RNF180: variants seen among roughly 807,000 people sequenced by gnomAD.
The protein encoded by RNF180 is E3 ubiquitin-protein ligase RNF180.
A neutral mutation model predicts 59.2 loss-of-function variants in RNF180; 38 were observed. That is an observed-to-expected ratio of 0.64 (90% CI 0.50 to 0.84). RNF180 has a LOEUF of 0.84. RNF180 is among the 40% of genes least tolerant of loss of function. The probability of loss-of-function intolerance (pLI) is 0.00; values close to 1 mark genes in which losing one functional copy is unlikely to be tolerated. For synonymous variants in RNF180, 262 were observed against 240.3 expected (o/e 1.09, Z -0.84); for missense variants, 705 against 700.9 (o/e 1.01, Z -0.07).
At chr5:64,185,839 A>G (rs1449696024) in intron 1 of RNF180, among the ~76,000 whole-genome samples, 1 of 152,214 alleles carries the variant, frequency 6.6e-6, no homozygotes, top group Non-Finnish European at 1.5e-5. Context: ...GCAAAGACAT[A>G]AGTACAACAT....
chr5:64,253,568 C>A (rs972141449), intron 5 of RNF180, among the ~76,000 whole-genome samples: 1 of 152,068 alleles, frequency 6.6e-6, no homozygotes, highest in African/African-American at 2.4e-5. Flanking sequence ...CTGTAAAAAT[C>A]TGATTTAGTT....
intron 5 of RNF180, among the ~76,000 whole-genome samples, chr5:64,264,753 G>C (rs918993996): frequency 9.9e-5 from 15 of 152,074 alleles, no homozygotes; most frequent in African/African-American, 2.9e-4. Flanking sequence ...CCCAATAATG[G>C]GATTGCTGGG....
chr5:64,316,015 C>T lies in RNF180; in HGVS notation c.1228-9171C>T, dbSNP rs56345010. ...CTAGCAATTTAACCCACTATTACTT[C>T]CACACCATCAGTACAATTGCCAACA... On this transcript the variant is annotated intron_variant, in intron 5 of 7. Transcript: ENST00000389100. 6.2e-3 allele frequency among the ~76,000 whole-genome samples: 939 copies of T among 152,242 alleles called. 6 individuals are homozygous for T. Among genetic ancestry groups the T allele is most frequent in the Middle Eastern group, 0.017 (5 of 294 alleles).
At chr5:64,205,715 G>A (rs1751980506) in intron 2 of RNF180, among the ~76,000 whole-genome samples, 1 of 152,052 alleles carries the variant, frequency 6.6e-6, no homozygotes. Flanking sequence ...GTGTATGAAT[G>A]GAGTGAGAGT....
chr5:64,346,356 C>CTTTTTTTTTTT (rs1745554810), intron 7 of RNF180, among the ~76,000 whole-genome samples: 1 of 47,142 alleles, frequency 2.1e-5, no homozygotes, highest in African/African-American at 7.9e-5. Context: ...TTTTTCTTTT[C>CTTTTTTTTTTT]TTCTTTTTTT....
chr5:64,223,055 C>T (rs1741449855), intron 5 of RNF180, among the ~76,000 whole-genome samples: 1 of 152,144 alleles, frequency 6.6e-6, no homozygotes, highest in Admixed American at 6.5e-5. Context: ...TCTTATAGTT[C>T]TGAAGGTCAC....
At chr5:64,337,045 A>G (rs193170399) in intron 7 of RNF180, among the ~76,000 whole-genome samples, 1 of 144,862 alleles carries the variant, frequency 6.9e-6, no homozygotes, top group Admixed American at 6.9e-5. Flanking sequence ...TTTTTTTGAG[A>G]CAACGTCTCA....
At chr5:64,215,010 A>G (rs912805913) in intron 4 of RNF180, among the ~76,000 whole-genome samples, 2 of 152,162 alleles carry the variant, frequency 1.3e-5, no homozygotes, top group Non-Finnish European at 2.9e-5. Flanking sequence ...CGATCTAGTT[A>G]TGATTAACTG....
intron 5 of RNF180, among the ~76,000 whole-genome samples, chr5:64,234,602 T>G (rs962342058): frequency 4.7e-5 from 3 of 64,208 alleles, no homozygotes; most frequent in African/African-American, 1.3e-4. Flanking sequence ...TTTTTTTTTT[T>G]TTTTTTTTTT....
chr5:64,366,599 A>G (rs1290339077), intron 7 of RNF180, among the ~76,000 whole-genome samples: 1 of 151,540 alleles, frequency 6.6e-6, no homozygotes, highest in Non-Finnish European at 1.5e-5. Context: ...ATATTTAAGC[A>G]CTTCAGTAAC....
intron 5 of RNF180, among the ~76,000 whole-genome samples, chr5:64,232,741 A>G (rs1001118714): frequency 4.6e-5 from 7 of 152,378 alleles, no homozygotes; most frequent in African/African-American, 1.7e-4. Flanking sequence ...CAGTAGTAAC[A>G]AAAACAATAA....
At chr5:64,339,434 A>G (rs957095234) in intron 7 of RNF180, among the ~76,000 whole-genome samples, 2 of 152,160 alleles carry the variant, frequency 1.3e-5, no homozygotes, top group Non-Finnish European at 2.9e-5. Context: ...ACACAATCAC[A>G]TACTGGTTGG....
chr5:64,340,533 G>A (rs968579886), intron 7 of RNF180, among the ~76,000 whole-genome samples: 2 of 152,228 alleles, frequency 1.3e-5, no homozygotes, highest in African/African-American at 2.4e-5. Context: ...CACACAGCAT[G>A]AGTGTGAATA....
Position 64,370,120 on chromosome 5 carries a change from A to T in RNF180, c.*306A>T. 1 of 175,098 alleles carries T rather than the reference A, an allele frequency of 5.7e-6. No individual in the cohort carries two copies. Among genetic ancestry groups the T allele is most frequent in the Non-Finnish European group, 1.2e-5 (1 of 83,582 alleles). The allele number at this position is 175,098 out of a possible 1,614,324, so 10.8% of individuals were successfully genotyped here. On this transcript the variant is annotated 3_prime_UTR_variant, in exon 8 of 8. Coordinates refer to ENST00000389100, the MANE Select transcript of RNF180 (RefSeq NM_001113561.2). ...TTAATACTTATTTTGATTGTAAAAA[A>T]CTGAAGTTTTCTCTCCACTTAAAAA...
chr5:64,305,223 C>T (rs1336389299), intron 5 of RNF180, among the ~76,000 whole-genome samples: 1 of 151,508 alleles, frequency 6.6e-6, no homozygotes, highest in Non-Finnish European at 1.5e-5. Context: ...GCAGTGTCTC[C>T]AAGGTGTAGG....
At chr5:64,234,294 GTC>G (rs1742272560) in intron 5 of RNF180, among the ~76,000 whole-genome samples, 1 of 151,824 alleles carries the variant, frequency 6.6e-6, no homozygotes, top group Admixed American at 6.6e-5. Flanking sequence ...GCGAAACCCC[GTC>G]TCTACTAAAA....
chr5:64,347,588 A>C (rs145117880), intron 7 of RNF180, among the ~76,000 whole-genome samples: 204 of 152,272 alleles, frequency 1.3e-3, no homozygotes, highest in African/African-American at 4.7e-3. Flanking sequence ...GTGCACATGA[A>C]GTAGGACATA....
At chr5:64,335,900 A>C (rs1745105612) in intron 7 of RNF180, among the ~76,000 whole-genome samples, 1 of 152,108 alleles carries the variant, frequency 6.6e-6, no homozygotes, top group South Asian at 2.1e-4. Flanking sequence ...AGTGTTGTTT[A>C]TCTCTTCATT....
intron 2 of RNF180, among the ~76,000 whole-genome samples, chr5:64,204,575 C>A (rs1326543691): frequency 6.6e-6 from 1 of 152,010 alleles, no homozygotes; most frequent in African/African-American, 2.4e-5. Flanking sequence ...TTCTAAATAC[C>A]AACCTTTTTT....
Sources: gnomAD v4.1 joint callset for allele counts (sites outside exome capture counted in the v4.1 genomes callset) on GRCh38, gnomAD v4.1.1 for gene constraint, MANE v1.5 for transcripts, NCBI Gene and HGNC (gene_info 2026-07-23, HGNC 2026-07-21) for gene names.